Variants in NUP205 observed in about 807,000 individuals in gnomAD.
NUP205 encodes nuclear pore complex protein Nup205.
A neutral mutation model predicts 253.8 loss-of-function variants in NUP205; 76 were observed. That is an observed-to-expected ratio of 0.30 (90% CI 0.25 to 0.36). NUP205 has a LOEUF of 0.36. Ranked by LOEUF, NUP205 falls within the 10% of genes least tolerant of loss-of-function variation. The pLI is 1.00. For missense variants in NUP205, 2,162 were observed against 2,425.5 expected, an observed-to-expected ratio of 0.89 and a Z score of 2.28; for synonymous variants, 832 against 850.1, an observed-to-expected ratio of 0.98 and a Z score of 0.37.
chr7:135,610,309 C>T (rs915231986), intron 22 of NUP205, among the ~76,000 whole-genome samples: 4 of 152,216 alleles, frequency 2.6e-5, no homozygotes, highest in Admixed American at 6.5e-5. Context: ...CAACCTCCAC[C>T]TCCCGGGTTC....
Position 135,567,132 on chromosome 7 carries a change from A to ATG in NUP205, c.29-3972_29-3971insGT, listed in dbSNP as rs1563108034. Among the ~76,000 whole-genome samples the ATG allele has an allele frequency of 8.8e-3, 55 of 6,232 alleles. 3 individuals are homozygous for ATG. The highest frequency in any genetic ancestry group is 0.024 in the African/African-American group (55 of 2,258). 4.1% of individuals were successfully genotyped at this position (6,232 alleles called of 152,430 possible). On this transcript the variant is annotated intron_variant, in intron 1 of 42. Transcript: ENST00000285968. ...TGTCTTGCTCAGTCTATGTGTGTATATATATATATATATATATATATATAT... is the reference window on the plus strand; with the variant it reads ...TGTCTTGCTCAGTCTATGTGTGTATATGTATATATATATATATATATATATAT...
intron 35 of NUP205, among the ~76,000 whole-genome samples, chr7:135,631,192 AATTT>A (rs143349158): frequency 0.013 from 2,046 of 152,176 alleles, 42 homozygotes; most frequent in African/African-American, 0.047. Context: ...ATTTTACATG[AATTT>A]ATTTATTTTT....
At chr7:135,606,938 ATTTC>A (rs772186326) in intron 21 of NUP205, 23 bp downstream of exon 21, 7 of 1,601,420 alleles carry the variant, frequency 4.4e-6, no homozygotes, top group Non-Finnish European at 6.0e-6. Flanking sequence ...ACATAAAGGC[ATTTC>A]TTTCCTTCCA....
rs185589922 is a variant in NUP205 at position 135,603,998 on chromosome 7, G to A, written c.2703-342G>A. Among the ~76,000 whole-genome samples the A allele has an allele frequency of 9.2e-4, 140 of 152,264 alleles. 1 individual carries two copies. The highest frequency in any genetic ancestry group is 3.1e-3 in the African/African-American group (127 of 41,544). ...CAGCGTCACATGGCAGTTTCCCTGT[G>A]TGTGTGTTTGTGTCTGAATTTACCC... On this transcript the variant is annotated intron_variant, in intron 18 of 42. Coordinates refer to ENST00000285968, the MANE Select transcript of NUP205 (RefSeq NM_015135.3).
intron 42 of NUP205, among the ~76,000 whole-genome samples, 161 bp downstream of exon 42, chr7:135,646,392 G>C (rs575464644): frequency 3.3e-5 from 5 of 151,536 alleles, no homozygotes; most frequent in Non-Finnish European, 7.4e-5. Flanking sequence ...GTGAGACCCC[G>C]TCTCTTAAAA....
rs758312807 is a variant in NUP205 at position 135,637,980 on chromosome 7, G to C, written c.5186G>C (p.Arg1729Pro). The C allele has an allele frequency of 6.2e-7, 1 of 1,613,988 alleles. No homozygotes were observed. The highest frequency in any genetic ancestry group is 2.2e-5 in the East Asian group (1 of 44,876). ...LSRFGGSDRL[R>P]QFKFQDDNVE... ...CGCTTTGGTGGCTCTGACAGACTGC[G>C]TCAGTTTAAATTTCAAGACGATAAT... Residue 1729 changes from arginine to proline, a missense_variant, in exon 37 of 43, where the codon CGT becomes CCT. By Grantham distance (103) the Arg-to-Pro change is moderately radical (BLOSUM62 -2). This residue lies in a region of NUP205 where 1,144 missense variants were observed against 1,280.9 expected (regional missense o/e 0.89). Transcript: ENST00000285968.
intron 19 of NUP205, among the ~76,000 whole-genome samples, chr7:135,605,537 C>T (rs533992437): frequency 1.2e-3 from 188 of 152,248 alleles, no homozygotes; most frequent in African/African-American, 4.3e-3. Flanking sequence ...AGTGGTGGTA[C>T]CACCCAGCAT....
intron 2 of NUP205, among the ~76,000 whole-genome samples, 170 bp from the exon 3 acceptor site, chr7:135,573,484 T>A (rs1806057806): frequency 1.3e-5 from 2 of 152,134 alleles, no homozygotes; most frequent in Admixed American, 1.3e-4. Context: ...AAGTTTAAGG[T>A]TATGCAAAAT....
intron 7 of NUP205, among the ~76,000 whole-genome samples, chr7:135,580,528 T>C (rs1806275632): frequency 2.0e-5 from 3 of 152,162 alleles, no homozygotes; most frequent in Admixed American, 6.6e-5. Flanking sequence ...TGCAGTGGCA[T>C]GATCTCAGGT....
At chr7:135,588,146 A>T (rs1584654081) in intron 10 of NUP205, among the ~76,000 whole-genome samples, 154 bp downstream of exon 10, 1 of 151,996 alleles carries the variant, frequency 6.6e-6, no homozygotes, top group Non-Finnish European at 1.5e-5. Flanking sequence ...TTATTTATTT[A>T]TTTATTTATG....
At chr7:135,603,023 A>C in intron 18 of NUP205, 29 bp downstream of exon 18, 1 of 1,514,296 alleles carries the variant, frequency 6.6e-7, no homozygotes. Context: ...TAGAGAAATG[A>C]AGTAAACAGA....
In NUP205 at chr7:135,607,531, A is replaced by G. The variant is rs79437265; in HGVS notation, c.3195+160A>G. On this transcript the variant is annotated intron_variant, in intron 22 of 42. Coordinates refer to ENST00000285968, the MANE Select transcript of NUP205 (RefSeq NM_015135.3). ...TTTGTGGATAAAATCCGTAAAGCAC[A>G]AACCCCAAGTTCTTATAGACCCAAA... Among the ~76,000 whole-genome samples the G allele has an allele frequency of 0.05, 7,585 of 152,322 alleles. 409 individuals are homozygous for G. The highest frequency in any genetic ancestry group is 0.13 in the African/African-American group (5,603 of 41,546).
chr7:135,617,645 G>C lies in NUP205; in HGVS notation c.3734G>C (p.Gly1245Ala). 1 of 1,612,906 alleles carries C rather than the reference G, an allele frequency of 6.2e-7. No individual in the cohort carries two copies. Among genetic ancestry groups the C allele is most frequent in the African/African-American group, 1.3e-5 (1 of 74,970 alleles). Residue 1245 changes from glycine to alanine, a missense_variant, in exon 27 of 43, where the codon GGT becomes GCT. By Grantham distance (60) the Gly-to-Ala change is moderately conservative. Around this residue, in one of 5 missense-constraint regions of NUP205, gnomAD observed 1,144 missense variants for 1,280.9 expected, o/e 0.89. Transcript: ENST00000285968. ...VLVAEVNALQ[G>A]MAAIGQRPLL... ...GTAGCTGAAGTAAATGCCCTTCAGG[G>C]TATGGCAGCCATAGGACAGAGACCT...
chr7:135,617,095 C>T lies in NUP205; in HGVS notation c.3538C>T (p.Arg1180Ter). ...LHFDTATKVR[R>*]KILNILDSID... ...TTACTTTTTATTATTTCTAGTACGT[C>T]GAAAAATTCTAAATATTCTTGACTC... The change falls in exon 26 of 43, where the codon CGA (arginine) becomes TGA (stop). Residue 1180 changes from arginine to a stop codon, truncating the protein, a stop_gained. Coordinates refer to ENST00000285968, the MANE Select transcript of NUP205 (RefSeq NM_015135.3). LOFTEE classifies it high-confidence loss of function. 6.2e-7 allele frequency: 1 copy of T among 1,605,820 alleles called. No homozygotes were observed. The highest frequency in any genetic ancestry group is 1.1e-5 in the South Asian group (1 of 89,574).
intron 22 of NUP205, among the ~76,000 whole-genome samples, chr7:135,608,127 A>G (rs748015523): frequency 3.0e-4 from 45 of 151,142 alleles, no homozygotes; most frequent in Non-Finnish European, 4.7e-4. Context: ...CCCAGGCTCA[A>G]GCGATTCTCC....
intron 22 of NUP205, among the ~76,000 whole-genome samples, chr7:135,611,683 C>A (rs1373087431): frequency 1.3e-5 from 2 of 151,876 alleles, no homozygotes; most frequent in African/African-American, 2.4e-5. Context: ...AACAAAAAAA[C>A]AAAAATTAGC....
At chr7:135,607,190 A>C (rs1289878354) in intron 21 of NUP205, 57 bp from the exon 22 acceptor site, 7 of 1,594,184 alleles carry the variant, frequency 4.4e-6, no homozygotes, top group Non-Finnish European at 4.3e-6. Flanking sequence ...AGGCAGTCTA[A>C]GATTTTAATG....
chr7:135,626,702 G>T (rs1371027164), intron 33 of NUP205, among the ~76,000 whole-genome samples: 1 of 152,084 alleles, frequency 6.6e-6, no homozygotes, highest in African/African-American at 2.4e-5. Context: ...TAGAATTTCA[G>T]ATTATATATA....
Position 135,617,123 on chromosome 7 carries a change from T to C in NUP205, c.3566T>C (p.Ile1189Thr). The C allele has an allele frequency of 2.5e-6, 4 of 1,613,214 alleles. No individual in the cohort carries two copies. The highest frequency in any genetic ancestry group is 3.4e-6 in the Non-Finnish European group (4 of 1,179,638). The stretch of plus-strand genomic sequence containing the variant: ...AAAATTCTAAATATTCTTGACTCGA[T>C]TGACTTCAGTCAGGAGATCCCTGAG... ...RRKILNILDS[I>T]DFSQEIPEPL... The change falls in exon 26 of 43, where the codon ATT becomes ACT. Residue 1189 changes from isoleucine (I) to threonine (T), a missense_variant. Physicochemically the swap from Ile to Thr is moderately conservative, Grantham distance 89. Transcript: ENST00000285968.
Sources: gnomAD v4.1 joint callset for allele counts (sites outside exome capture counted in the v4.1 genomes callset) on GRCh38, gnomAD v4.1.1 for gene constraint, gnomAD v4.1.1 regional missense constraint, MANE v1.5 for transcripts, NCBI Gene and HGNC (gene_info 2026-07-23, HGNC 2026-07-21) for gene names.